Variants in CDH1 observed in about 807,000 individuals in gnomAD.
CDH1 encodes cadherin-1.
CDH1 carries 35 observed loss-of-function variants against 84.5 expected under a neutral mutation model. The observed-to-expected ratio is 0.41, with a 90% confidence interval of 0.32 to 0.55. The LOEUF (loss-of-function observed/expected upper bound fraction) is 0.55. Ranked by LOEUF, CDH1 falls within the 20% of genes least tolerant of loss-of-function variation. The probability of loss-of-function intolerance (pLI) is 0.19; values close to 1 mark genes in which losing one functional copy is unlikely to be tolerated. For missense variants in CDH1, 994 were observed against 1,126.6 expected (o/e 0.88, Z 1.68); for synonymous variants, 417 against 439.0 (o/e 0.95, Z 0.63).
chr16:68,815,236 G>A (rs1205705206), intron 9 of CDH1, among the ~76,000 whole-genome samples: 1 of 151,928 alleles, frequency 6.6e-6, no homozygotes, highest in African/African-American at 2.4e-5. Flanking sequence ...ATAAAATAAG[G>A]AAAGAAACTT....
intron 2 of CDH1, among the ~76,000 whole-genome samples, chr16:68,785,880 C>T (rs186151355): frequency 6.6e-6 from 1 of 152,314 alleles, no homozygotes; most frequent in East Asian, 1.9e-4. Flanking sequence ...TAACCTTTTA[C>T]ATACGTCATT....
intron 2 of CDH1, among the ~76,000 whole-genome samples, chr16:68,796,512 G>C (rs571900529): frequency 2.0e-5 from 3 of 152,192 alleles, no homozygotes; most frequent in Admixed American, 6.5e-5. Flanking sequence ...GGACTGTTCC[G>C]TGTGGCATGA....
In CDH1 at chr16:68,818,615, G is replaced by A. The variant is rs375228028; in HGVS notation, c.1566-665G>A. The stretch of plus-strand genomic sequence containing the variant: ...TGTAATCCCAGCACTTTGGGAGGCC[G>A]AGACGTGCGGATCATGAGGTCAGGA... On this transcript the variant is annotated intron_variant, in intron 10 of 15. Transcript: ENST00000261769. Among the ~76,000 whole-genome samples the A allele has an allele frequency of 7.5e-4, 113 of 149,916 alleles. No individual in the cohort carries two copies. In the East Asian group the frequency reaches 8.3e-3, roughly 11 times the overall value.
At chr16:68,804,822 ATCTTT>A (rs1960608776) in intron 3 of CDH1, among the ~76,000 whole-genome samples, 1 of 124,580 alleles carries the variant, frequency 8.0e-6, no homozygotes, top group East Asian at 2.1e-4. Context: ...AGGTAACAAA[ATCTTT>A]TTTTTTTTTT....
chr16:68,766,917 A>C (rs1371023393), intron 2 of CDH1, among the ~76,000 whole-genome samples: 1 of 151,440 alleles, frequency 6.6e-6, no homozygotes, highest in Non-Finnish European at 1.5e-5. Flanking sequence ...TTAGTAGAGA[A>C]GGTTTCACCA....
chr16:68,825,344 T>A (rs1310231727), intron 13 of CDH1, among the ~76,000 whole-genome samples: 1 of 152,146 alleles, frequency 6.6e-6, no homozygotes, highest in African/African-American at 2.4e-5. Flanking sequence ...CAGCAGAGGC[T>A]TGAGGAGACT....
intron 2 of CDH1, among the ~76,000 whole-genome samples, chr16:68,796,287 G>A (rs1213723386): frequency 6.6e-6 from 1 of 152,174 alleles, no homozygotes; most frequent in Non-Finnish European, 1.5e-5. Flanking sequence ...GCAAAACACT[G>A]CTTCCAACTA....
intron 15 of CDH1, among the ~76,000 whole-genome samples, chr16:68,830,991 A>G (rs2152142936): frequency 2.0e-5 from 3 of 150,948 alleles, no homozygotes; most frequent in Admixed American, 2.0e-4. Context: ...GGTTACTGGA[A>G]TGATTTTCTG....
Position 68,785,739 on chromosome 16 carries a change from CT to C in CDH1, c.164-15919del, listed in dbSNP as rs34117943. Among the ~76,000 whole-genome samples the C allele has an allele frequency of 5.6e-3, 829 of 147,552 alleles. 3 individuals are homozygous for C. The highest frequency in any genetic ancestry group is 0.018 in the African/African-American group (729 of 40,386). Reference sequence around the variant, plus strand: ...TCATTCCCCTGCAGAGCATAAAGAGCTTTTTTTTTTTTAATAGGTTCATAGT... The same window carrying C: ...TCATTCCCCTGCAGAGCATAAAGAGCTTTTTTTTTTTAATAGGTTCATAGT... On this transcript the variant is annotated intron_variant, in intron 2 of 15. Transcript: ENST00000261769.
chr16:68,813,614 C>A, intron 9 of CDH1, 119 bp downstream of exon 9: 1 of 977,780 alleles, frequency 1.0e-6, no homozygotes, highest in East Asian at 2.4e-5. Flanking sequence ...GTGACTTTCC[C>A]AGATTGTAGT....
chr16:68,750,060 T>C (rs1962848221), intron 2 of CDH1, among the ~76,000 whole-genome samples: 1 of 150,730 alleles, frequency 6.6e-6, no homozygotes, highest in Admixed American at 6.6e-5. Context: ...AATCCTCCCA[T>C]CTTGGCCTCT....
intron 2 of CDH1, among the ~76,000 whole-genome samples, chr16:68,784,808 T>A (rs1160389092): frequency 1.3e-5 from 1 of 75,654 alleles, no homozygotes; most frequent in African/African-American, 5.0e-5. Context: ...GTTCCATTCT[T>A]TTTTTTTTTT....
At chr16:68,775,209 G>A (rs994979904) in intron 2 of CDH1, among the ~76,000 whole-genome samples, 8 of 151,972 alleles carry the variant, frequency 5.3e-5, no homozygotes, top group Middle Eastern at 3.4e-3. Context: ...TGCCTCTTAA[G>A]TGTGTGCGTC....
At chr16:68,788,323 T>C (rs1303207012) in intron 2 of CDH1, among the ~76,000 whole-genome samples, 1 of 152,208 alleles carries the variant, frequency 6.6e-6, no homozygotes, top group Non-Finnish European at 1.5e-5. Context: ...ATTTACCCAC[T>C]GTAAGTGTAC....
intron 2 of CDH1, among the ~76,000 whole-genome samples, chr16:68,780,859 T>C (rs534618046): frequency 2.6e-5 from 4 of 152,286 alleles, no homozygotes; most frequent in African/African-American, 9.6e-5. Flanking sequence ...TGTAGAGAGC[T>C]GGGCTTTTAT....
intron 2 of CDH1, among the ~76,000 whole-genome samples, chr16:68,756,564 G>A (rs1016245233): frequency 2.0e-5 from 3 of 152,156 alleles, no homozygotes; most frequent in Non-Finnish European, 4.4e-5. Context: ...AAAAGGTTTT[G>A]GAGAAATAAC....
chr16:68,806,339 A>G (rs8051131), intron 3 of CDH1, among the ~76,000 whole-genome samples: 103,343 of 151,664 alleles, frequency 0.68, 35,376 homozygotes, highest in African/African-American at 0.74. Context: ...TAGTAGAGGC[A>G]GGGTTTTGGC....
chr16:68,782,308 G>A (rs1200668843), intron 2 of CDH1, among the ~76,000 whole-genome samples: 1 of 152,166 alleles, frequency 6.6e-6, no homozygotes, highest in Non-Finnish European at 1.5e-5. Context: ...CCCACCTTGG[G>A]GGCACTGCCT....
At chr16:68,757,755 C>CTT (rs1294963822) in intron 2 of CDH1, among the ~76,000 whole-genome samples, 1 of 148,850 alleles carries the variant, frequency 6.7e-6, no homozygotes, top group Non-Finnish European at 1.5e-5. Context: ...CTCTCTTTTT[C>CTT]TTTCTCTCTC....
Sources: allele counts gnomAD v4.1 joint callset (sites outside exome capture counted in the v4.1 genomes callset), GRCh38; gene constraint gnomAD v4.1.1; transcripts MANE v1.5; gene names NCBI Gene and HGNC (gene_info 2026-07-23, HGNC 2026-07-21).